The following ANXA10 variants were observed in gnomAD, a reference collection of about 807,000 sequenced individuals.
ANXA10 encodes annexin 14.
ANXA10 carries 49 observed loss-of-function variants against 53.5 expected under a neutral mutation model. That is an observed-to-expected ratio of 0.92 (90% CI 0.73 to 1.16). The LOEUF (loss-of-function observed/expected upper bound fraction) is 1.16. Among genes scored for constraint, ANXA10 ranks in the 50% most tolerant of loss-of-function variants. The pLI is 0.00. For synonymous variants in ANXA10, 131 were observed against 128.9 expected, an observed-to-expected ratio of 1.02 and a Z score of -0.11; for missense variants, 393 against 394.4, an observed-to-expected ratio of 1.00 and a Z score of 0.03.
At chr4:168,119,352 A>G (rs1033505059) in intron 1 of ANXA10, among the ~76,000 whole-genome samples, 7 of 152,208 alleles carry the variant, frequency 4.6e-5, no homozygotes, top group Admixed American at 6.5e-5. Flanking sequence ...ACTAGGAATT[A>G]CCAAAATGAT....
Position 168,134,839 on chromosome 4 carries a change from T to C in ANXA10, c.101-4647T>C, listed in dbSNP as rs150984112. ...AAATACCCTGATGCTCCCCCTGCTT[T>C]TCAGTGATACAGTCATCTATGTTAA... On this transcript the variant is annotated intron_variant, in intron 2 of 11. Transcript: ENST00000359299. 5.1e-4 allele frequency among the ~76,000 whole-genome samples: 77 copies of C among 152,280 alleles called. No individual in the cohort carries two copies. The East Asian group carries it at 0.014, about 27-fold the overall frequency.
At chr4:168,097,306 T>G (rs1394104196) in intron 1 of ANXA10, among the ~76,000 whole-genome samples, 1 of 152,084 alleles carries the variant, frequency 6.6e-6, no homozygotes, top group Non-Finnish European at 1.5e-5. Context: ...TTAAATCCCA[T>G]GCCTAATTCT....
chr4:168,171,736 C>T (rs1211771024), intron 6 of ANXA10, among the ~76,000 whole-genome samples: 1 of 152,172 alleles, frequency 6.6e-6, no homozygotes, highest in Non-Finnish European at 1.5e-5. Flanking sequence ...TAAACTGGCT[C>T]ACAATGCTTC....
chr4:168,183,586 TAAGGCAATAGG>T (rs1484892992), intron 10 of ANXA10, among the ~76,000 whole-genome samples: 4 of 152,238 alleles, frequency 2.6e-5, no homozygotes, highest in Non-Finnish European at 4.4e-5. Context: ...GTATGTGTTA[TAAGGCAATAGG>T]AAGATATGCG....
At chr4:168,165,358 A>ACTAT (rs752394326) in intron 6 of ANXA10, 32 bp downstream of exon 6, 1 of 1,297,520 alleles carries the variant, frequency 7.7e-7, no homozygotes, top group South Asian at 1.5e-5. Context: ...ATTACTTTGC[A>ACTAT]CTATCTAAGC....
At chr4:168,170,284 A>C (rs947187547) in intron 6 of ANXA10, among the ~76,000 whole-genome samples, 4 of 152,148 alleles carry the variant, frequency 2.6e-5, no homozygotes, top group African/African-American at 9.7e-5. Context: ...TTTCCTTCTT[A>C]TATATGTCAT....
chr4:168,121,334 ATCT>A (rs1730982277), intron 1 of ANXA10, among the ~76,000 whole-genome samples: 3 of 152,140 alleles, frequency 2.0e-5, no homozygotes, highest in African/African-American at 7.2e-5. Context: ...ACAATGTATC[ATCT>A]TCTTCCTTGA....
In ANXA10 at chr4:168,119,048, T is replaced by A. The variant is rs561884865; in HGVS notation, c.19-9036T>A. On this transcript the variant is annotated intron_variant, in intron 1 of 11. Transcript: ENST00000359299. ...TGCTTGTTTTTATATTTACTCATTA[T>A]CTACATGATTTTTATTTAGTGTGCC... Among the ~76,000 whole-genome samples the A allele has an allele frequency of 2.0e-5, 3 of 152,328 alleles. No individual in the cohort carries two copies. The South Asian group carries it at 6.2e-4, about 32-fold the overall frequency.
At chr4:168,181,835 C>T in intron 10 of ANXA10, 94 bp downstream of exon 10, 1 of 960,000 alleles carries the variant, frequency 1.0e-6, no homozygotes, top group East Asian at 2.4e-5. Context: ...TGTTCATTAC[C>T]ATTTTTGAAC....
At chr4:168,132,073 CA>C (rs916227284) in intron 2 of ANXA10, among the ~76,000 whole-genome samples, 1 of 151,888 alleles carries the variant, frequency 6.6e-6, no homozygotes, top group African/African-American at 2.4e-5. Context: ...AAAGGTTCCT[CA>C]AAAAAATTAA....
intron 11 of ANXA10, among the ~76,000 whole-genome samples, chr4:168,187,059 T>A (rs1313856607): frequency 6.6e-6 from 1 of 152,062 alleles, no homozygotes; most frequent in Non-Finnish European, 1.5e-5. Context: ...AATAATAACA[T>A]TAGGGTACAT....
intron 3 of ANXA10, among the ~76,000 whole-genome samples, chr4:168,157,321 G>A (rs887283785): frequency 2.6e-5 from 4 of 151,908 alleles, no homozygotes; most frequent in African/African-American, 9.7e-5. Context: ...AGGCTGGAGT[G>A]CAGTGGCATG....
intron 3 of ANXA10, among the ~76,000 whole-genome samples, chr4:168,149,176 C>T (rs1301969356): frequency 2.0e-5 from 3 of 152,122 alleles, no homozygotes; most frequent in Non-Finnish European, 2.9e-5. Context: ...TGAGGATTCA[C>T]GTATTCTGGA....
chr4:168,176,023 G>C (rs1039158577), intron 6 of ANXA10, among the ~76,000 whole-genome samples: 3 of 152,002 alleles, frequency 2.0e-5, no homozygotes, highest in African/African-American at 7.3e-5. Flanking sequence ...ACTTTTATTG[G>C]GTTAAGTATT....
intron 10 of ANXA10, among the ~76,000 whole-genome samples, chr4:168,183,376 T>C (rs943639349): frequency 1.3e-5 from 2 of 152,230 alleles, no homozygotes; most frequent in Admixed American, 1.3e-4. Flanking sequence ...TGGTTAAACA[T>C]TTATTTGAAA....
At chr4:168,153,486 A>T (rs1192639689) in intron 3 of ANXA10, among the ~76,000 whole-genome samples, 1 of 131,956 alleles carries the variant, frequency 7.6e-6, no homozygotes, top group Non-Finnish European at 1.7e-5. Flanking sequence ...AACAACAACA[A>T]AATAAGACAG....
At chr4:168,095,222 T>C (rs1055266104) in intron 1 of ANXA10, among the ~76,000 whole-genome samples, 2 of 151,952 alleles carry the variant, frequency 1.3e-5, no homozygotes, top group East Asian at 1.9e-4. Flanking sequence ...CTTGTAAAAA[T>C]TGTTCGCTGA....
intron 6 of ANXA10, among the ~76,000 whole-genome samples, chr4:168,167,515 A>C (rs888397693): frequency 2.6e-5 from 4 of 152,232 alleles, no homozygotes; most frequent in Non-Finnish European, 5.9e-5. Flanking sequence ...TAACCCCATC[A>C]TAAGTTGAGA....
intron 1 of ANXA10, among the ~76,000 whole-genome samples, chr4:168,114,490 T>G (rs1730859150): frequency 6.6e-6 from 1 of 152,228 alleles, no homozygotes; most frequent in Non-Finnish European, 1.5e-5. Flanking sequence ...AGCCAGCACA[T>G]GTATAGTGTC....
Sources: allele counts gnomAD v4.1 joint callset (sites outside exome capture counted in the v4.1 genomes callset), GRCh38; gene constraint gnomAD v4.1.1; transcripts MANE v1.5; gene names NCBI Gene and HGNC (gene_info 2026-07-23, HGNC 2026-07-21).